The following EHBP1 variants were observed in gnomAD, a reference collection of about 807,000 sequenced individuals.
EHBP1 encodes the protein EH domain binding protein 1.
Under a neutral mutation model 144.0 loss-of-function variants are expected in EHBP1, and 55 were observed. The observed-to-expected ratio is 0.38, with a 90% confidence interval of 0.31 to 0.48. EHBP1 has a LOEUF of 0.48. Ranked by LOEUF, EHBP1 falls within the 20% of genes least tolerant of loss-of-function variation. The probability of loss-of-function intolerance (pLI) is 0.98; values close to 1 mark genes in which losing one functional copy is unlikely to be tolerated. For synonymous variants in EHBP1, 469 were observed against 472.7 expected, an observed-to-expected ratio of 0.99 and a Z score of 0.10; for missense variants, 1,200 against 1,364.2, an observed-to-expected ratio of 0.88 and a Z score of 1.90.
chr2:62,701,610 C>T (rs562317616), upstream of EHBP1, among the ~76,000 whole-genome samples: 96 of 152,174 alleles, frequency 6.3e-4, no homozygotes, highest in African/African-American at 2.0e-3. Flanking sequence ...GAGTGCAATG[C>T]TGAGGATCTT....
At chr2:62,810,160 G>C (rs911316173) in intron 5 of EHBP1, among the ~76,000 whole-genome samples, 7 of 152,168 alleles carry the variant, frequency 4.6e-5, no homozygotes, top group Non-Finnish European at 8.8e-5. Flanking sequence ...CAACAAGTTG[G>C]TAAAGTTTTA....
chr2:62,896,742 T>C (rs1362894064), intron 10 of EHBP1, among the ~76,000 whole-genome samples: 1 of 151,928 alleles, frequency 6.6e-6, no homozygotes, highest in East Asian at 1.9e-4. Context: ...TACTTCCCTG[T>C]TTCTCTGCCC....
chr2:62,788,455 T>C (rs2042958915), intron 5 of EHBP1, among the ~76,000 whole-genome samples: 1 of 152,060 alleles, frequency 6.6e-6, no homozygotes, highest in Admixed American at 6.6e-5. Context: ...GTAATACTCA[T>C]GTTATGGACT....
upstream of EHBP1, among the ~76,000 whole-genome samples, chr2:62,703,032 T>G (rs114902603): frequency 6.2e-3 from 938 of 152,250 alleles, 10 homozygotes; most frequent in African/African-American, 0.021. Flanking sequence ...CTATTGGTAA[T>G]ATTTAATATG....
At chr2:62,688,888 G>A (rs1381907665) in intron 1 of EHBP1, among the ~76,000 whole-genome samples, 2 of 152,014 alleles carry the variant, frequency 1.3e-5, no homozygotes, top group Non-Finnish European at 2.9e-5. Flanking sequence ...TTTGGTCGAG[G>A]AGTGATGCAG....
At chr2:62,954,335 A>G (rs1187401422) in intron 13 of EHBP1, among the ~76,000 whole-genome samples, 1 of 152,178 alleles carries the variant, frequency 6.6e-6, no homozygotes, top group Admixed American at 6.5e-5. Flanking sequence ...CACTGTTGAT[A>G]TTGTAACTAA....
At chr2:62,761,450 T>G (rs1190923048) in intron 3 of EHBP1, among the ~76,000 whole-genome samples, 1 of 152,154 alleles carries the variant, frequency 6.6e-6, no homozygotes, top group East Asian at 1.9e-4. Context: ...TGTATCTTCT[T>G]TTGGCATTTT....
intron 10 of EHBP1, among the ~76,000 whole-genome samples, chr2:62,901,239 C>T (rs2053387054): frequency 6.6e-6 from 1 of 152,068 alleles, no homozygotes; most frequent in African/African-American, 2.4e-5. Context: ...CCTCATAAAT[C>T]TTTCTTTAGT....
intron 2 of EHBP1, among the ~76,000 whole-genome samples, chr2:62,707,543 A>G (rs537966917): frequency 2.0e-5 from 3 of 152,310 alleles, no homozygotes; most frequent in African/African-American, 7.2e-5. Flanking sequence ...CACTAAATAC[A>G]ATAGATTTGG....
intron 10 of EHBP1, among the ~76,000 whole-genome samples, chr2:62,879,551 A>G (rs2051196977): frequency 1.5e-5 from 1 of 65,686 alleles, no homozygotes; most frequent in Non-Finnish European, 3.7e-5. Context: ...ACAATAACAC[A>G]CACACACACA....
intron 10 of EHBP1, among the ~76,000 whole-genome samples, chr2:62,876,041 G>A (rs1407763342): frequency 6.6e-6 from 1 of 152,164 alleles, no homozygotes; most frequent in Non-Finnish European, 1.5e-5. Context: ...GAGAGAGCAA[G>A]CAACTTGGAA....
intron 10 of EHBP1, among the ~76,000 whole-genome samples, chr2:62,915,267 A>G (rs2152988441): frequency 6.6e-6 from 1 of 152,258 alleles, no homozygotes; most frequent in Non-Finnish European, 1.5e-5. Context: ...AATGCAGGTT[A>G]TATTTTAAAT....
intron 13 of EHBP1, among the ~76,000 whole-genome samples, chr2:62,952,322 C>G (rs566727873): frequency 2.0e-5 from 3 of 152,274 alleles, no homozygotes; most frequent in African/African-American, 7.2e-5. Context: ...ATCTGTTTCT[C>G]TTTTGTACAA....
At chr2:62,963,251 G>A (rs779786607) in intron 14 of EHBP1, among the ~76,000 whole-genome samples, 6 of 152,098 alleles carry the variant, frequency 3.9e-5, no homozygotes, top group Non-Finnish European at 5.9e-5. Context: ...GTATTTTATT[G>A]CCATGAAGGG....
intron 1 of EHBP1, among the ~76,000 whole-genome samples, chr2:62,693,673 T>G (rs538907825): frequency 6.6e-6 from 1 of 152,312 alleles, no homozygotes; most frequent in African/African-American, 2.4e-5. Flanking sequence ...TACTATAAAT[T>G]CTTAACTATA....
chr2:62,681,172 G>T (rs929240680), intron 1 of EHBP1, among the ~76,000 whole-genome samples: 2 of 150,812 alleles, frequency 1.3e-5, no homozygotes, highest in Non-Finnish European at 3.0e-5. Flanking sequence ...GATTAGCCAG[G>T]CATGGTGGTG....
At chr2:62,767,046 A>G (rs1558635411) in intron 4 of EHBP1, among the ~76,000 whole-genome samples, 1 of 149,248 alleles carries the variant, frequency 6.7e-6, no homozygotes, top group Non-Finnish European at 1.5e-5. Context: ...GGGGTTAATG[A>G]GGGAGAGGTA....
chr2:62,879,130 G>T (rs2051146633), intron 10 of EHBP1, among the ~76,000 whole-genome samples: 1 of 151,864 alleles, frequency 6.6e-6, no homozygotes, highest in South Asian at 2.1e-4. Flanking sequence ...AGGTATTAAA[G>T]GAACATACCT....
At chr2:62,752,937 G>C (rs1305292466) in intron 3 of EHBP1, among the ~76,000 whole-genome samples, 1 of 152,000 alleles carries the variant, frequency 6.6e-6, no homozygotes, top group South Asian at 2.1e-4. Context: ...CGCACTGATG[G>C]GTCTTGACTC....
Sources: allele counts gnomAD v4.1 joint callset (sites outside exome capture counted in the v4.1 genomes callset), GRCh38; gene constraint gnomAD v4.1.1; transcripts MANE v1.5; gene names NCBI Gene and HGNC (gene_info 2026-07-23, HGNC 2026-07-21).